Variants in CCDC148 observed in about 807,000 individuals in gnomAD.
CCDC148 encodes the protein coiled-coil domain containing 148.
A neutral mutation model predicts 85.7 loss-of-function variants in CCDC148; 89 were observed. The observed-to-expected ratio is 1.04, with a 90% CI of 0.87 to 1.24. The LOEUF is 1.24. Among genes scored for constraint, CCDC148 ranks in the 50% most tolerant of loss-of-function variants. CCDC148 has a pLI of 0.00. For synonymous variants in CCDC148, 230 were observed against 213.9 expected (o/e 1.08, Z -0.66); for missense variants, 692 against 671.7 (o/e 1.03, Z -0.33).
At chr2:158,184,133 A>G (rs1374215995) in intron 11 of CCDC148, among the ~76,000 whole-genome samples, 2 of 152,140 alleles carry the variant, frequency 1.3e-5, no homozygotes, top group South Asian at 2.1e-4. Flanking sequence ...AGCAAAGACC[A>G]ATTTCTGCAA....
intron 7 of CCDC148, among the ~76,000 whole-genome samples, chr2:158,332,427 G>C (rs1036401483): frequency 1.4e-5 from 2 of 141,000 alleles, no homozygotes; most frequent in African/African-American, 5.5e-5. Flanking sequence ...TTTCTCTCTG[G>C]CTGCCCTTAA....
At chr2:158,281,183 C>A (rs1226065885) in intron 9 of CCDC148, among the ~76,000 whole-genome samples, 2 of 151,840 alleles carry the variant, frequency 1.3e-5, no homozygotes, top group Non-Finnish European at 2.9e-5. Flanking sequence ...CAGGAAAGAT[C>A]CAAAATTGAC....
In CCDC148 at chr2:158,197,704, A is replaced by C. The variant is rs116444295; in HGVS notation, c.1371-18708T>G. On this transcript the variant is annotated intron_variant, in intron 11 of 13. Transcript: ENST00000283233. ...CAATTTATGTATTAACCTGCTATGC[A>C]TAATTTATGTGCAACCTCCTGGTAA... is the stretch of plus-strand genomic sequence containing the variant. Among the ~76,000 whole-genome samples the C allele has an allele frequency of 5.9e-3, 894 of 152,266 alleles. 9 individuals are homozygous for C. The highest frequency in any genetic ancestry group is 0.021 in the African/African-American group (854 of 41,556).
At chr2:158,247,810 C>T (rs938190344) in intron 10 of CCDC148, among the ~76,000 whole-genome samples, 8 of 152,122 alleles carry the variant, frequency 5.3e-5, no homozygotes, top group Admixed American at 3.3e-4. Context: ...GAGCCAAGAT[C>T]ACGCCATTGC....
At chr2:158,201,101 T>TCTAGG (rs147723635) in intron 11 of CCDC148, among the ~76,000 whole-genome samples, 52,070 of 151,654 alleles carry the variant, frequency 0.34, 9,676 homozygotes, top group East Asian at 0.63. Context: ...TGTCATTGTT[T>TCTAGG]CCCTTACTGT....
chr2:158,217,352 A>T (rs1218142556), intron 11 of CCDC148, among the ~76,000 whole-genome samples: 3 of 128,092 alleles, frequency 2.3e-5, no homozygotes, highest in African/African-American at 8.4e-5. Context: ...ATATATATAT[A>T]TATAAAATTT....
At chr2:158,275,227 C>T (rs1164705003) in intron 9 of CCDC148, among the ~76,000 whole-genome samples, 1 of 152,202 alleles carries the variant, frequency 6.6e-6, no homozygotes, top group Non-Finnish European at 1.5e-5. Flanking sequence ...AGCTGTGTAA[C>T]TTCTGGCTAG....
rs370903679 is a variant in CCDC148, at chr2:158,329,171, C to T, written c.764+9555G>A. ...AGGTCAAACATTTAAGTCTTTAAGC[C>T]ATCTTGAATCAATTTTTGTACATGG... On this transcript the variant is annotated intron_variant, in intron 7 of 13. Transcript: ENST00000283233. 8.5e-5 allele frequency among the ~76,000 whole-genome samples: 13 copies of T among 152,282 alleles called. 2 individuals carry two copies. Among genetic ancestry groups the T allele is most frequent in the Admixed American group, 6.5e-4 (10 of 15,300 alleles).
At chr2:158,333,045 T>C (rs550493256) in intron 7 of CCDC148, among the ~76,000 whole-genome samples, 17 of 152,320 alleles carry the variant, frequency 1.1e-4, no homozygotes, top group African/African-American at 4.1e-4. Flanking sequence ...AGTTCTGCTC[T>C]GATCTTAGTT....
At chr2:158,356,534 C>T (rs997761141) in intron 2 of CCDC148, among the ~76,000 whole-genome samples, 37 of 152,206 alleles carry the variant, frequency 2.4e-4, no homozygotes, top group African/African-American at 4.3e-4. Context: ...CAATGAGATA[C>T]CATCTCACAA....
chr2:158,222,880 C>G (rs1456708189), intron 10 of CCDC148, among the ~76,000 whole-genome samples: 1 of 152,132 alleles, frequency 6.6e-6, no homozygotes, highest in Non-Finnish European at 1.5e-5. Context: ...GTCTACAGCT[C>G]CCAGGGTGAG....
At chr2:158,350,276 G>C (rs1391639639) in intron 2 of CCDC148, among the ~76,000 whole-genome samples, 1 of 152,064 alleles carries the variant, frequency 6.6e-6, no homozygotes, top group South Asian at 2.1e-4. Context: ...TCACCAAAGA[G>C]AAATTCACTT....
intron 10 of CCDC148, among the ~76,000 whole-genome samples, chr2:158,244,493 C>T (rs1431829109): frequency 6.6e-6 from 1 of 152,144 alleles, no homozygotes. Context: ...TGGCTATGGG[C>T]CTGTAGGCTA....
At chr2:158,295,563 G>C (rs1333142822) in intron 9 of CCDC148, among the ~76,000 whole-genome samples, 32 of 143,294 alleles carry the variant, frequency 2.2e-4, no homozygotes, top group African/African-American at 8.0e-4. Flanking sequence ...TGCAAGGCTG[G>C]TTCAATATAC....
chr2:158,223,103 C>T (rs1036825480), intron 10 of CCDC148, among the ~76,000 whole-genome samples: 2 of 152,130 alleles, frequency 1.3e-5, no homozygotes, highest in African/African-American at 4.8e-5. Flanking sequence ...CCTGGAAAAT[C>T]GGGTCACTCC....
At chr2:158,317,522 G>A (rs113596467) in intron 7 of CCDC148, among the ~76,000 whole-genome samples, 1 of 152,176 alleles carries the variant, frequency 6.6e-6, no homozygotes, top group Non-Finnish European at 1.5e-5. Flanking sequence ...CAACAGAGCT[G>A]TAAAAATTCA....
intron 1 of CCDC148, among the ~76,000 whole-genome samples, chr2:158,426,488 T>C (rs1687084901): frequency 6.6e-6 from 1 of 152,204 alleles, no homozygotes; most frequent in Non-Finnish European, 1.5e-5. Context: ...TATGTTAATG[T>C]TGATCCAAGT....
chr2:158,226,479 A>G (rs1397885482), intron 10 of CCDC148, among the ~76,000 whole-genome samples: 2 of 152,206 alleles, frequency 1.3e-5, no homozygotes, highest in African/African-American at 4.8e-5. Flanking sequence ...TCCTGATTCC[A>G]AAGCCTGCCA....
At chr2:158,433,923 G>C (rs1039510434) in intron 1 of CCDC148, among the ~76,000 whole-genome samples, 1 of 152,208 alleles carries the variant, frequency 6.6e-6, no homozygotes, top group Non-Finnish European at 1.5e-5. Context: ...CGAGGCTGGG[G>C]GAGGGGCGTC....
Sources: gnomAD v4.1 joint callset for allele counts (sites outside exome capture counted in the v4.1 genomes callset) on GRCh38, gnomAD v4.1.1 for gene constraint, MANE v1.5 for transcripts, NCBI Gene and HGNC (gene_info 2026-07-23, HGNC 2026-07-21) for gene names.